AGPAT3: variants seen among roughly 807,000 people sequenced by gnomAD.
AGPAT3 encodes 1-acylglycerol-3-phosphate O-acyltransferase 3.
A neutral mutation model predicts 47.3 loss-of-function variants in AGPAT3; 5 were observed. That is an observed-to-expected ratio of 0.11 (90% confidence interval 0.06 to 0.22). The LOEUF (loss-of-function observed/expected upper bound fraction) is 0.22, where lower values mean the gene tolerates loss of function less well. AGPAT3 is among the 10% of genes least tolerant of loss of function. AGPAT3 has a pLI of 1.00. For missense variants in AGPAT3, 315 were observed against 493.0 expected, an observed-to-expected ratio of 0.64 and a Z score of 3.42; for synonymous variants, 212 against 208.3, an observed-to-expected ratio of 1.02 and a Z score of -0.15.
intron 2 of AGPAT3, among the ~76,000 whole-genome samples, chr21:43,925,776 C>A (rs1033492552): frequency 6.6e-6 from 1 of 152,268 alleles, no homozygotes; most frequent in African/African-American, 2.4e-5. Context: ...CTGTCTCCAG[C>A]GCCCACATTC....
rs371141104 is a variant in AGPAT3, at chr21:43,959,666, G to A, written c.-16G>A. 197 of 1,611,188 alleles carry A rather than the reference G, an allele frequency of 1.2e-4. No homozygotes were observed. The highest frequency in any genetic ancestry group is 1.6e-4 in the Non-Finnish European group (191 of 1,179,886). On this transcript the variant is annotated 5_prime_UTR_variant, in exon 3 of 10. Transcript: ENST00000291572. Reference sequence around the variant, plus strand: ...GTCCTCAGCGAGGGGCCGTGCACCCGCTCCTGAGCAGCGCCATGGGCCTGC... The same window carrying A: ...GTCCTCAGCGAGGGGCCGTGCACCCACTCCTGAGCAGCGCCATGGGCCTGC...
chr21:43,897,630 C>T (rs1418511589), intron 1 of AGPAT3, among the ~76,000 whole-genome samples: 1 of 150,490 alleles, frequency 6.6e-6, no homozygotes, highest in African/African-American at 2.4e-5. Flanking sequence ...GAGGGGGCGG[C>T]CGGGCAGAGG....
intron 1 of AGPAT3, among the ~76,000 whole-genome samples, chr21:43,886,354 A>G (rs2085978284): frequency 6.6e-6 from 1 of 152,084 alleles, no homozygotes; most frequent in South Asian, 2.1e-4. Flanking sequence ...CCCGGGTTCA[A>G]GTGATTCTCA....
At chr21:43,928,161 G>A (rs2087119085) in intron 2 of AGPAT3, among the ~76,000 whole-genome samples, 1 of 152,182 alleles carries the variant, frequency 6.6e-6, no homozygotes, top group Non-Finnish European at 1.5e-5. Context: ...GGACGTGGAA[G>A]TCTCCGCTGC....
At chr21:43,917,848 GGTGTTGTAGGAGTTGTGA>G (rs2086773203) in intron 2 of AGPAT3, among the ~76,000 whole-genome samples, 2 of 109,110 alleles carry the variant, frequency 1.8e-5, no homozygotes, top group African/African-American at 3.7e-5. Context: ...TTGTGTTGTG[GGTGTTGTAGGAGTTGTGA>G]GTGTTGTGGG....
At chr21:43,947,999 T>A (rs902940160) in intron 2 of AGPAT3, among the ~76,000 whole-genome samples, 10 of 152,238 alleles carry the variant, frequency 6.6e-5, no homozygotes, top group African/African-American at 2.4e-4. Context: ...TACGAGCCAT[T>A]CGCTTAGAAA....
rs1430631483 is a variant in AGPAT3, at chr21:43,961,632, G to GTGAGC, written c.178+1774_178+1778dup. On this transcript the variant is annotated intron_variant, in intron 3 of 9. Coordinates refer to ENST00000291572, the MANE Select transcript of AGPAT3 (RefSeq NM_020132.5). ...TACACTTTGTCTCATATGGGAAACGGTGAGCGCGTATACGCTTTGTCTCAT... is the reference window on the plus strand; with the variant it reads ...TACACTTTGTCTCATATGGGAAACGGTGAGCTGAGCGCGTATACGCTTTGTCTCAT... Among the ~76,000 whole-genome samples, 5 of 150,704 alleles carry GTGAGC rather than the reference G, an allele frequency of 3.3e-5. No individual in the cohort carries two copies. The East Asian group carries it at 9.8e-4, about 30-fold the overall frequency.
In AGPAT3 at chr21:43,873,051, G is replaced by T. The variant is rs2085656353; in HGVS notation, c.-112+7706G>T. On this transcript the variant is annotated intron_variant, in intron 1 of 9. Transcript: ENST00000291572. ...GACAAGTGCTGGAGAAGATGTGGGG[G>T]CAGACAGAGCACTGGTGCCAGCGTG... 3.3e-5 allele frequency among the ~76,000 whole-genome samples: 5 copies of T among 152,236 alleles called. No individual in the cohort carries two copies. The South Asian group carries it at 1.0e-3, about 32-fold the overall frequency.
intron 2 of AGPAT3, among the ~76,000 whole-genome samples, chr21:43,912,644 C>G (rs898027416): frequency 2.0e-5 from 3 of 152,256 alleles, no homozygotes; most frequent in Non-Finnish European, 4.4e-5. Flanking sequence ...ATCTGCTTTT[C>G]CTGAGTCTAA....
chr21:43,886,579 A>G (rs1466895650), intron 1 of AGPAT3, among the ~76,000 whole-genome samples: 1 of 152,038 alleles, frequency 6.6e-6, no homozygotes, highest in East Asian at 1.9e-4. Context: ...CATTCTTTCT[A>G]ACTAATTTTT....
At chr21:43,897,799 G>A (rs1442058092) in intron 1 of AGPAT3, among the ~76,000 whole-genome samples, 1 of 152,210 alleles carries the variant, frequency 6.6e-6, no homozygotes, top group South Asian at 2.1e-4. Context: ...CGGCTAGGAG[G>A]TGGAGGTTGT....
Position 43,933,380 on chromosome 21 carries a change from T to C in AGPAT3, c.-48-26254T>C, listed in dbSNP as rs1394019143. Among the ~76,000 whole-genome samples, 1 of 152,188 alleles carries C rather than the reference T, an allele frequency of 6.6e-6. No individual in the cohort carries two copies. The highest frequency in any genetic ancestry group is 6.5e-5 in the Admixed American group (1 of 15,276). On this transcript the variant is annotated intron_variant, in intron 2 of 9. Coordinates refer to ENST00000291572, the MANE Select transcript of AGPAT3 (RefSeq NM_020132.5). This position sits in a 1 kb window ranked among gnomAD's most constrained non-coding sequence, Gnocchi z 6.0. Reference sequence around the variant, plus strand: ...TTCCCTTTGTCATGCAGAAGCTGTTTAGTTTGCCGTAATCCCAGTGGTCTA... The same window carrying C: ...TTCCCTTTGTCATGCAGAAGCTGTTCAGTTTGCCGTAATCCCAGTGGTCTA...
rs763525716 is a variant in AGPAT3, at chr21:43,969,289, C to T, written c.510+10C>T. On this transcript the variant is annotated intron_variant, in intron 5 of 9. Transcript: ENST00000291572. ...CCCCGAGTACATGTGGGTGAGTGCG[C>T]GGAGCAGCCCGATACCCTGCATGCC... 1.1e-5 allele frequency: 17 copies of T among 1,613,866 alleles called. 1 individual carries two copies. Among genetic ancestry groups the T allele is most frequent in the Admixed American group, 6.7e-5 (4 of 59,996 alleles).
chr21:43,879,721 T>C (rs764174235), intron 1 of AGPAT3, among the ~76,000 whole-genome samples: 53 of 152,138 alleles, frequency 3.5e-4, no homozygotes, highest in Admixed American at 4.6e-4. Flanking sequence ...AGGGCGGCCA[T>C]GTTGTGTGTG....
chr21:43,977,044 G>GT (rs1220230748), intron 7 of AGPAT3, among the ~76,000 whole-genome samples: 1 of 152,226 alleles, frequency 6.6e-6, no homozygotes, highest in Non-Finnish European at 1.5e-5. Flanking sequence ...AATAAGAGCT[G>GT]TAACATGTTA....
intron 2 of AGPAT3, among the ~76,000 whole-genome samples, chr21:43,906,798 G>A (rs1268742099): frequency 6.6e-6 from 1 of 152,222 alleles, no homozygotes; most frequent in Non-Finnish European, 1.5e-5. Flanking sequence ...TTGCCCAGGG[G>A]AGCAGCATGG....
At chr21:43,907,697 A>G (rs2146064675) in intron 2 of AGPAT3, among the ~76,000 whole-genome samples, 1 of 152,336 alleles carries the variant, frequency 6.6e-6, no homozygotes, top group African/African-American at 2.4e-5. Flanking sequence ...AGCCTGGGCG[A>G]CAGAGCGAGA....
chr21:43,957,696 C>T (rs868575807), intron 2 of AGPAT3, among the ~76,000 whole-genome samples: 13 of 149,198 alleles, frequency 8.7e-5, no homozygotes, highest in Middle Eastern at 6.9e-3. Flanking sequence ...AGGGGGGTCT[C>T]GGGTTTCCCC....
chr21:43,939,198 G>A lies in AGPAT3; in HGVS notation c.-48-20436G>A, dbSNP rs985390175. ...TATCCCACTGTGGCCCCGTGACCCTGAGCGAGAATGCACTGGCCGGGCCTC... is the reference window on the plus strand; with the variant it reads ...TATCCCACTGTGGCCCCGTGACCCTAAGCGAGAATGCACTGGCCGGGCCTC... On this transcript the variant is annotated intron_variant, in intron 2 of 9. Transcript: ENST00000291572. This position sits in a 1 kb window ranked among gnomAD's most constrained non-coding sequence, Gnocchi z 4.4. Among the ~76,000 whole-genome samples, 7 of 152,168 alleles carry A rather than the reference G, an allele frequency of 4.6e-5. No homozygotes were observed. Among genetic ancestry groups the A allele is most frequent in the African/African-American group, 1.7e-4 (7 of 41,428 alleles).
Sources: allele counts gnomAD v4.1 joint callset (sites outside exome capture counted in the v4.1 genomes callset), GRCh38; gene constraint gnomAD v4.1.1; non-coding constraint Gnocchi (gnomAD v3.1); transcripts MANE v1.5; gene names NCBI Gene and HGNC (gene_info 2026-07-23, HGNC 2026-07-21).